FNDC3A: variants seen among roughly 807,000 people sequenced by gnomAD.
FNDC3A encodes the protein fibronectin type III domain containing 3A.
A neutral mutation model predicts 148.9 loss-of-function variants in FNDC3A; 32 were observed. The observed-to-expected ratio is 0.21, with a 90% CI of 0.16 to 0.29. FNDC3A has a LOEUF of 0.29. Among genes scored for constraint, FNDC3A ranks in the 10% least tolerant of loss-of-function variants. FNDC3A has a pLI of 1.00. For synonymous variants in FNDC3A, 472 were observed against 473.6 expected (o/e 1.00, Z 0.04); for missense variants, 1,191 against 1,452.8 (o/e 0.82, Z 2.93).
intron 3 of FNDC3A, among the ~76,000 whole-genome samples, chr13:49,101,969 C>T (rs888772911): frequency 6.6e-6 from 1 of 151,876 alleles, no homozygotes; most frequent in African/African-American, 2.4e-5. Context: ...TTTTATTGCT[C>T]ATCCTCTAGT....
At chr13:49,018,775 T>C (rs866440085) in intron 2 of FNDC3A, among the ~76,000 whole-genome samples, 97 of 152,308 alleles carry the variant, frequency 6.4e-4, no homozygotes, top group African/African-American at 2.0e-3. Flanking sequence ...TACAGATGGG[T>C]TTTTGGTGTG....
In FNDC3A at chr13:49,021,753, A is replaced by G. The variant is rs112594416; in HGVS notation, c.99+15464A>G. On this transcript the variant is annotated intron_variant, in intron 2 of 25. Coordinates refer to ENST00000492622, the MANE Select transcript of FNDC3A (RefSeq NM_001079673.2). ...GTGTTCTCACTGCTGTTATGGAGCA[A>G]TGGATTTTTGGAGGTTAACACTGTG... Among the ~76,000 whole-genome samples, 33 of 152,308 alleles carry G rather than the reference A, an allele frequency of 2.2e-4. No homozygotes were observed. In the East Asian group the frequency reaches 2.9e-3, roughly 13 times the overall value.
chr13:49,187,343 A>AT (rs759646676), intron 16 of FNDC3A, 153 bp downstream of exon 16: 36,068 of 608,776 alleles, frequency 0.059, 2 homozygotes, highest in South Asian at 0.086. Flanking sequence ...GTTGTCCTGG[A>AT]TTTTTTTTTT....
chr13:48,991,704 GAAAA>G (rs879353436), intron 1 of FNDC3A, among the ~76,000 whole-genome samples: 4 of 146,656 alleles, frequency 2.7e-5, no homozygotes, highest in African/African-American at 7.5e-5. Context: ...AAGAAAAAAG[GAAAA>G]AAAAAAGAGA....
chr13:49,078,493 GT>G (rs1462802878), intron 3 of FNDC3A, among the ~76,000 whole-genome samples: 1 of 152,152 alleles, frequency 6.6e-6, no homozygotes, highest in Non-Finnish European at 1.5e-5. Context: ...TTGGGTAGAG[GT>G]TTTAAAAACA....
chr13:48,979,084 G>A (rs549691605), intron 1 of FNDC3A, among the ~76,000 whole-genome samples: 3 of 152,048 alleles, frequency 2.0e-5, no homozygotes, highest in African/African-American at 7.2e-5. Flanking sequence ...TCCTTTGTGG[G>A]TGTCATCTTT....
intron 8 of FNDC3A, among the ~76,000 whole-genome samples, chr13:49,147,385 AT>A: frequency 6.6e-6 from 1 of 152,196 alleles, no homozygotes; most frequent in Admixed American, 6.5e-5. Context: ...GCCTTGAAAC[AT>A]ATTTATTTTT....
At chr13:49,197,095 G>A in intron 20 of FNDC3A, 105 bp downstream of exon 20, 3 of 566,658 alleles carry the variant, frequency 5.3e-6, no homozygotes, top group Non-Finnish European at 8.9e-6. Flanking sequence ...ATTATACAGA[G>A]TAAGCCCTAG....
chr13:49,085,374 C>T (rs1457787427), intron 3 of FNDC3A, among the ~76,000 whole-genome samples: 3 of 152,112 alleles, frequency 2.0e-5, no homozygotes, highest in African/African-American at 7.2e-5. Flanking sequence ...TCCTTATGCC[C>T]ATAAGACATA....
intron 1 of FNDC3A, among the ~76,000 whole-genome samples, chr13:48,989,816 A>G (rs926396856): frequency 1.3e-5 from 2 of 152,032 alleles, no homozygotes; most frequent in East Asian, 1.9e-4. Context: ...CAGTGGCACA[A>G]TCTTGGCTCA....
chr13:49,095,913 G>C (rs546749759), intron 3 of FNDC3A, among the ~76,000 whole-genome samples: 1 of 151,982 alleles, frequency 6.6e-6, no homozygotes, highest in Non-Finnish European at 1.5e-5. Flanking sequence ...AATGTTCTAG[G>C]AAACAGAAAA....
chr13:49,038,122 G>A (rs1371110378), intron 2 of FNDC3A, among the ~76,000 whole-genome samples: 1 of 152,170 alleles, frequency 6.6e-6, no homozygotes, highest in Non-Finnish European at 1.5e-5. Context: ...TGAACTCTTG[G>A]TGTTCAGGCG....
intron 3 of FNDC3A, among the ~76,000 whole-genome samples, chr13:49,081,379 A>G (rs1196788392): frequency 6.6e-6 from 1 of 152,206 alleles, no homozygotes; most frequent in Non-Finnish European, 1.5e-5. Context: ...ACAAGCAAAA[A>G]TATTGATGAT....
chr13:48,977,699 A>G (rs1382796342), intron 1 of FNDC3A, among the ~76,000 whole-genome samples: 1 of 152,234 alleles, frequency 6.6e-6, no homozygotes, highest in Non-Finnish European at 1.5e-5. Context: ...TTAGCTTTGT[A>G]GCCTACTAAT....
At chr13:49,111,217 T>G (rs937142372) in intron 3 of FNDC3A, among the ~76,000 whole-genome samples, 4 of 152,232 alleles carry the variant, frequency 2.6e-5, no homozygotes, top group Non-Finnish European at 5.9e-5. Context: ...AAGGAGCTAA[T>G]CAAACATTTA....
At chr13:49,034,240 T>C (rs1874335945) in intron 2 of FNDC3A, among the ~76,000 whole-genome samples, 1 of 152,048 alleles carries the variant, frequency 6.6e-6, no homozygotes, top group Non-Finnish European at 1.5e-5. Flanking sequence ...TTTCAGAAGC[T>C]GTATTATGAA....
intron 4 of FNDC3A, among the ~76,000 whole-genome samples, chr13:49,116,521 A>G (rs1880970198): frequency 6.6e-6 from 1 of 152,182 alleles, no homozygotes; most frequent in Non-Finnish European, 1.5e-5. Flanking sequence ...TTTGCTGGGC[A>G]TGGTGGCTCA....
rs1344125363 is a variant in FNDC3A at position 49,208,209 on chromosome 13, G to A, written c.*814G>A. 1 of 152,190 alleles carries A rather than the reference G, an allele frequency of 6.6e-6. No individual in the cohort carries two copies. Among genetic ancestry groups the A allele is most frequent in the Non-Finnish European group, 1.5e-5 (1 of 68,002 alleles). 9.4% of individuals were successfully genotyped at this position (152,190 alleles called of 1,614,324 possible). On this transcript the variant is annotated 3_prime_UTR_variant, in exon 26 of 26. Transcript: ENST00000492622. ...TGTTTTGTGAACCTTTGAACTATATGTATGTGTATAAGGGTATACACATAC... is the reference window on the plus strand; with the variant it reads ...TGTTTTGTGAACCTTTGAACTATATATATGTGTATAAGGGTATACACATAC...
At chr13:49,180,572 A>G (rs573165798) in intron 14 of FNDC3A, among the ~76,000 whole-genome samples, 1 of 152,306 alleles carries the variant, frequency 6.6e-6, no homozygotes, top group South Asian at 2.1e-4. Flanking sequence ...GAAGCATTCC[A>G]ACAGGTCTCC....
Sources: gnomAD v4.1 joint callset for allele counts (sites outside exome capture counted in the v4.1 genomes callset) on GRCh38, gnomAD v4.1.1 for gene constraint, MANE v1.5 for transcripts, NCBI Gene and HGNC (gene_info 2026-07-23, HGNC 2026-07-21) for gene names.